Variants in GRK5 observed in about 807,000 individuals in gnomAD.
GRK5 encodes the protein G protein-coupled receptor kinase 5.
Under a neutral mutation model 78.4 loss-of-function variants are expected in GRK5, and 40 were observed. That is an observed-to-expected ratio of 0.51 (90% CI 0.40 to 0.66). The LOEUF (loss-of-function observed/expected upper bound fraction) is 0.66. Among genes scored for constraint, GRK5 ranks in the 30% least tolerant of loss-of-function variants. The probability of loss-of-function intolerance (pLI) is 0.00; values close to 1 mark genes in which losing one functional copy is unlikely to be tolerated. For missense variants in GRK5, 598 were observed against 759.9 expected (o/e 0.79, Z 2.50); for synonymous variants, 289 against 296.8 (o/e 0.97, Z 0.27).
intron 2 of GRK5, among the ~76,000 whole-genome samples, chr10:119,338,944 A>G (rs991852443): frequency 6.6e-6 from 1 of 152,214 alleles, no homozygotes; most frequent in Admixed American, 6.5e-5. Context: ...ACATCTTTGT[A>G]CTTCATTGTG....
At chr10:119,295,189 C>CAA (rs35333246) in intron 1 of GRK5, among the ~76,000 whole-genome samples, 1 of 81,124 alleles carries the variant, frequency 1.2e-5, no homozygotes, top group African/African-American at 5.0e-5. Flanking sequence ...GACTCAGTCT[C>CAA]AAAAAAAAAA....
At chr10:119,240,425 C>T (rs981898599) in intron 1 of GRK5, among the ~76,000 whole-genome samples, 14 of 151,674 alleles carry the variant, frequency 9.2e-5, no homozygotes, top group Admixed American at 2.6e-4. Flanking sequence ...ATGGTCTCGA[C>T]CTCCTGACAT....
intron 1 of GRK5, among the ~76,000 whole-genome samples, chr10:119,280,495 A>G (rs900650168): frequency 2.0e-5 from 3 of 152,154 alleles, no homozygotes; most frequent in Non-Finnish European, 4.4e-5. Context: ...GTCAGCTGTC[A>G]TTCGTCCTCC....
chr10:119,414,747 A>C (rs1458654287), intron 4 of GRK5, among the ~76,000 whole-genome samples: 1 of 152,002 alleles, frequency 6.6e-6, no homozygotes, highest in Non-Finnish European at 1.5e-5. Context: ...ACTCCACATA[A>C]AGCTCCTAGG....
intron 1 of GRK5, among the ~76,000 whole-genome samples, chr10:119,251,245 C>T (rs1157837848): frequency 1.3e-5 from 2 of 152,100 alleles, no homozygotes; most frequent in Non-Finnish European, 2.9e-5. Context: ...ACAGAATTTC[C>T]TGAAGGAACA....
At chr10:119,350,083 T>C (rs529657944) in intron 2 of GRK5, among the ~76,000 whole-genome samples, 1 of 152,314 alleles carries the variant, frequency 6.6e-6, no homozygotes, top group South Asian at 2.1e-4. Flanking sequence ...ATGGCCAGAA[T>C]GTGCCACAGG....
At chr10:119,440,839 C>T (rs987934269) in intron 10 of GRK5, among the ~76,000 whole-genome samples, 18 of 152,332 alleles carry the variant, frequency 1.2e-4, no homozygotes, top group Admixed American at 5.2e-4. Flanking sequence ...GCATGAGCCA[C>T]CGGTTTCCAC....
At chr10:119,360,543 C>T (rs1354118545) in intron 2 of GRK5, among the ~76,000 whole-genome samples, 1 of 145,762 alleles carries the variant, frequency 6.9e-6, no homozygotes, top group African/African-American at 2.6e-5. Flanking sequence ...GTGGGAAGAG[C>T]CTGTGTGAGT....
rs994825651 is a variant in GRK5 at position 119,305,457 on chromosome 10, C to T, written c.53-21059C>T. ...CTGATGAGCAAAATGGACGTGGTCT[C>T]TGTCCTCTTGGGTGGAAGCCCCATA... On this transcript the variant is annotated intron_variant, in intron 1 of 15. Coordinates refer to ENST00000392870, the MANE Select transcript of GRK5 (RefSeq NM_005308.3). Among the ~76,000 whole-genome samples the T allele has an allele frequency of 2.0e-5, 3 of 152,354 alleles. No homozygotes were observed. The East Asian group carries it at 5.8e-4, about 29-fold the overall frequency.
intron 2 of GRK5, among the ~76,000 whole-genome samples, chr10:119,342,353 AC>A (rs1283518606): frequency 6.6e-6 from 1 of 152,180 alleles, no homozygotes; most frequent in Non-Finnish European, 1.5e-5. Context: ...TGTCAGAGGG[AC>A]CTGGTTTTCA....
At chr10:119,315,124 A>G (rs1850463377) in intron 1 of GRK5, among the ~76,000 whole-genome samples, 1 of 152,142 alleles carries the variant, frequency 6.6e-6, no homozygotes, top group African/African-American at 2.4e-5. Context: ...CAGGTGAAGA[A>G]ACTGAGGCCA....
chr10:119,397,788 A>G lies in GRK5; in HGVS notation c.339+1016A>G, dbSNP rs527807036. Among the ~76,000 whole-genome samples the G allele has an allele frequency of 9.7e-4, 148 of 152,360 alleles. 1 individual carries two copies. The highest frequency in any genetic ancestry group is 1.4e-3 in the South Asian group (7 of 4,828). On this transcript the variant is annotated intron_variant, in intron 4 of 15. Coordinates refer to ENST00000392870, the MANE Select transcript of GRK5 (RefSeq NM_005308.3). ...AGTTGGTAGTGGCCATTGCCCTTGC[A>G]GGGTGAGACCAGCCTCACGCCCAGA...
chr10:119,450,175 T>C (rs1366516237), intron 13 of GRK5, among the ~76,000 whole-genome samples: 1 of 152,226 alleles, frequency 6.6e-6, no homozygotes, highest in Non-Finnish European at 1.5e-5. Context: ...GCCATTGGGC[T>C]GATGTCCGAA....
rs369098213 is a variant in GRK5 at position 119,411,771 on chromosome 10, C to T, written c.340-11395C>T. 2.5e-4 allele frequency among the ~76,000 whole-genome samples: 38 copies of T among 150,580 alleles called. No individual in the cohort carries two copies. The East Asian group carries it at 6.0e-3, about 24-fold the overall frequency. On this transcript the variant is annotated intron_variant, in intron 4 of 15. Transcript: ENST00000392870. ...CAGGACTACAAATAAAGGACTACTC[C>T]GTCTCAATTAACAAACAAACAAACA...
intron 3 of GRK5, among the ~76,000 whole-genome samples, chr10:119,382,881 T>G (rs1851735664): frequency 6.6e-6 from 1 of 152,182 alleles, no homozygotes; most frequent in Non-Finnish European, 1.5e-5. Context: ...TTTTGTATTC[T>G]TATCCCTAAA....
chr10:119,308,787 G>A (rs951035385), intron 1 of GRK5, among the ~76,000 whole-genome samples: 2 of 152,242 alleles, frequency 1.3e-5, no homozygotes, highest in African/African-American at 4.8e-5. Context: ...CTGGTTCCAG[G>A]GGGCCAGGAG....
rs1853119764 is a variant in GRK5 at position 119,445,229 on chromosome 10, T to G, written c.1266+1477T>G. 6.6e-6 allele frequency among the ~76,000 whole-genome samples: 1 copy of G among 152,122 alleles called. No homozygotes were observed. Among genetic ancestry groups the G allele is most frequent in the South Asian group, 2.1e-4 (1 of 4,820 alleles). Reference sequence around the variant, plus strand: ...TGGAAATGTGGGTGTGAGCCATACTTGGCTGTCTCATTGGGAGATATCTGT... The same window carrying G: ...TGGAAATGTGGGTGTGAGCCATACTGGGCTGTCTCATTGGGAGATATCTGT... On this transcript the variant is annotated intron_variant, in intron 12 of 15. Transcript: ENST00000392870. This position sits in a 1 kb window ranked among gnomAD's most constrained non-coding sequence, Gnocchi z 4.1.
chr10:119,292,402 T>G (rs76163278), intron 1 of GRK5, among the ~76,000 whole-genome samples: 1,780 of 152,250 alleles, frequency 0.012, 32 homozygotes, highest in African/African-American at 0.041. Context: ...ATAGCCCCCA[T>G]GTTCATCTGC....
At chr10:119,241,004 C>G (rs753091736) in intron 1 of GRK5, among the ~76,000 whole-genome samples, 1 of 152,192 alleles carries the variant, frequency 6.6e-6, no homozygotes, top group Admixed American at 6.5e-5. Context: ...AGGATTGTGC[C>G]GGGGGCTCTC....
Sources: allele counts gnomAD v4.1 joint callset (sites outside exome capture counted in the v4.1 genomes callset), GRCh38; gene constraint gnomAD v4.1.1; non-coding constraint Gnocchi (gnomAD v3.1); transcripts MANE v1.5; gene names NCBI Gene and HGNC (gene_info 2026-07-23, HGNC 2026-07-21).